Variants in GRXCR1 observed in about 807,000 individuals in gnomAD.
GRXCR1 encodes glutaredoxin and cysteine rich domain containing 1.
A neutral mutation model predicts 27.3 loss-of-function variants in GRXCR1; 27 were observed. That is an observed-to-expected ratio of 0.99 (90% CI 0.73 to 1.37). GRXCR1 has a LOEUF of 1.37. Ranked by LOEUF, GRXCR1 falls within the 40% of genes most tolerant of loss-of-function variation. The pLI is 0.00. For synonymous variants in GRXCR1, 122 were observed against 131.1 expected, an observed-to-expected ratio of 0.93 and a Z score of 0.47; for missense variants, 379 against 354.4, an observed-to-expected ratio of 1.07 and a Z score of -0.56.
At chr4:42,924,328 G>GGT in intron 1 of GRXCR1, among the ~76,000 whole-genome samples, 1 of 152,066 alleles carries the variant, frequency 6.6e-6, no homozygotes. Flanking sequence ...TATGCATGTG[G>GGT]GTGTGTGTGT....
At chr4:42,954,458 G>A (rs896132637) in intron 1 of GRXCR1, among the ~76,000 whole-genome samples, 1 of 152,060 alleles carries the variant, frequency 6.6e-6, no homozygotes, top group Non-Finnish European at 1.5e-5. Flanking sequence ...GGCAGACTTA[G>A]GTTCAAATTC....
chr4:42,985,983 T>C (rs1036658182), intron 2 of GRXCR1, among the ~76,000 whole-genome samples: 11 of 152,212 alleles, frequency 7.2e-5, no homozygotes, highest in African/African-American at 2.7e-4. Flanking sequence ...CATGATGTTA[T>C]ATATGATTAC....
intron 3 of GRXCR1, among the ~76,000 whole-genome samples, chr4:43,024,385 T>C (rs748445542): frequency 4.6e-5 from 7 of 152,076 alleles, no homozygotes; most frequent in South Asian, 2.1e-4. Context: ...TGAGGTTCCC[T>C]GGAGAAGTAT....
chr4:42,961,743 G>T (rs2109774383), intron 1 of GRXCR1, among the ~76,000 whole-genome samples: 1 of 151,982 alleles, frequency 6.6e-6, no homozygotes, highest in Non-Finnish European at 1.5e-5. Context: ...ACTTTGTATT[G>T]GCATCTTTAT....
At chr4:42,989,372 C>T (rs1711889577) in intron 2 of GRXCR1, among the ~76,000 whole-genome samples, 1 of 152,158 alleles carries the variant, frequency 6.6e-6, no homozygotes, top group Non-Finnish European at 1.5e-5. Context: ...GGTCCTTACT[C>T]TTCTGGCCTC....
At chr4:43,018,352 A>C (rs968890579) in intron 2 of GRXCR1, among the ~76,000 whole-genome samples, 6 of 152,134 alleles carry the variant, frequency 3.9e-5, no homozygotes, top group African/African-American at 1.2e-4. Flanking sequence ...TTCCAACCTT[A>C]AGCACTCATT....
chr4:43,024,710 T>C (rs1198554442), intron 3 of GRXCR1, among the ~76,000 whole-genome samples: 3 of 152,212 alleles, frequency 2.0e-5, no homozygotes, highest in Admixed American at 2.0e-4. Context: ...GAAAAGATTC[T>C]ATTTATTTTT....
chr4:42,921,628 G>A (rs1380190134), intron 1 of GRXCR1, among the ~76,000 whole-genome samples: 1 of 151,928 alleles, frequency 6.6e-6, no homozygotes, highest in Non-Finnish European at 1.5e-5. Context: ...AATTTGGTGA[G>A]ATTTAAAAAA....
chr4:42,926,767 A>G (rs1747167664), intron 1 of GRXCR1, among the ~76,000 whole-genome samples: 2 of 151,996 alleles, frequency 1.3e-5, no homozygotes, highest in South Asian at 4.1e-4. Flanking sequence ...ATTAACTTTT[A>G]AATTGTGGTT....
intron 1 of GRXCR1, among the ~76,000 whole-genome samples, chr4:42,955,222 A>G (rs965328036): frequency 6.6e-6 from 1 of 152,056 alleles, no homozygotes; most frequent in East Asian, 1.9e-4. Flanking sequence ...GCCTTTATGT[A>G]TAGGAAAAAA....
At chr4:43,027,978 A>G (rs1713307931) in intron 3 of GRXCR1, among the ~76,000 whole-genome samples, 1 of 152,018 alleles carries the variant, frequency 6.6e-6, no homozygotes, top group Non-Finnish European at 1.5e-5. Context: ...GCGTGGTGAC[A>G]TGCACCTGTA....
At chr4:42,959,596 T>A (rs1387750853) in intron 1 of GRXCR1, among the ~76,000 whole-genome samples, 1 of 151,984 alleles carries the variant, frequency 6.6e-6, no homozygotes, top group African/African-American at 2.4e-5. Context: ...ATTAATTTGC[T>A]TGACTGCAGT....
At chr4:43,002,193 A>T (rs1422126758) in intron 2 of GRXCR1, among the ~76,000 whole-genome samples, 2 of 151,996 alleles carry the variant, frequency 1.3e-5, no homozygotes, top group African/African-American at 4.8e-5. Flanking sequence ...TTACTAATCC[A>T]CCTCAGCACA....
rs370440670 is a variant in GRXCR1, at chr4:42,960,111, T to A, written c.385-2781T>A. On this transcript the variant is annotated intron_variant, in intron 1 of 3. Coordinates refer to ENST00000399770, the MANE Select transcript of GRXCR1 (RefSeq NM_001080476.3). ...GAAAGGTGGTATACATGGTTTGTTC[T>A]ATAAGATTCAGAGAGAATCTTACAT... Among the ~76,000 whole-genome samples the A allele has an allele frequency of 4.3e-4, 66 of 152,122 alleles. 2 individuals carry two copies. In the South Asian group the frequency reaches 9.8e-3, roughly 22 times the overall value.
chr4:43,010,907 C>G (rs190183938), intron 2 of GRXCR1, among the ~76,000 whole-genome samples: 1 of 152,272 alleles, frequency 6.6e-6, no homozygotes, highest in Admixed American at 6.5e-5. Flanking sequence ...ATTTCTTACA[C>G]TGCTACATGA....
At chr4:42,988,354 A>G (rs1018214251) in intron 2 of GRXCR1, among the ~76,000 whole-genome samples, 3 of 152,218 alleles carry the variant, frequency 2.0e-5, no homozygotes, top group African/African-American at 4.8e-5. Context: ...CAGGTAAAAG[A>G]TATAATAAAA....
At chr4:42,926,368 G>C (rs766251117) in intron 1 of GRXCR1, among the ~76,000 whole-genome samples, 4 of 152,022 alleles carry the variant, frequency 2.6e-5, no homozygotes, top group Admixed American at 6.6e-5. Flanking sequence ...TGTATCACCA[G>C]TGCACAGAAT....
At chr4:42,944,571 C>T (rs568912732) in intron 1 of GRXCR1, among the ~76,000 whole-genome samples, 5 of 152,090 alleles carry the variant, frequency 3.3e-5, no homozygotes, top group African/African-American at 1.2e-4. Flanking sequence ...TATGTAGGTA[C>T]GTTTTTATCT....
chr4:42,903,115 TTGCCTCTCTCAG>T lies in GRXCR1; in HGVS notation c.384+9471_384+9482del, dbSNP rs1423253543. Among the ~76,000 whole-genome samples the T allele has an allele frequency of 6.6e-5, 10 of 152,212 alleles. No individual in the cohort carries two copies. In the East Asian group the frequency reaches 1.9e-3, roughly 29 times the overall value. The stretch of plus-strand genomic sequence containing the variant: ...CAACCGGAGCCCGAAGGCTGAAGAT[TTGCCTCTCTCAG>T]TGCCTGGTGCTTTAAACAGCTGGCT... On this transcript the variant is annotated intron_variant, in intron 1 of 3. Coordinates refer to ENST00000399770, the MANE Select transcript of GRXCR1 (RefSeq NM_001080476.3).
Sources: allele counts gnomAD v4.1 joint callset (sites outside exome capture counted in the v4.1 genomes callset), GRCh38; gene constraint gnomAD v4.1.1; transcripts MANE v1.5; gene names NCBI Gene and HGNC (gene_info 2026-07-23, HGNC 2026-07-21).